The following GRM7 variants were observed in gnomAD, a reference collection of about 807,000 sequenced individuals.
The protein encoded by GRM7 is metabotropic glutamate receptor 7.
Under a neutral mutation model 84.5 loss-of-function variants are expected in GRM7, and 35 were observed. The ratio of observed to expected loss-of-function variants is 0.41; its 90% CI spans 0.32 to 0.55. The LOEUF is 0.55. Among genes scored for constraint, GRM7 ranks in the 20% least tolerant of loss-of-function variants. The pLI is 0.19. For missense variants in GRM7, 1,003 were observed against 1,194.6 expected, an observed-to-expected ratio of 0.84 and a Z score of 2.36; for synonymous variants, 487 against 455.1, an observed-to-expected ratio of 1.07 and a Z score of -0.89.
chr3:6,985,798 T>G (rs187671845), intron 1 of GRM7, among the ~76,000 whole-genome samples: 125 of 152,294 alleles, frequency 8.2e-4, no homozygotes, highest in African/African-American at 2.8e-3. Flanking sequence ...GAAATGAGCT[T>G]GACTGTAAAG....
intron 8 of GRM7, among the ~76,000 whole-genome samples, chr3:7,626,405 CTG>C (rs1268708609): frequency 6.6e-6 from 1 of 152,226 alleles, no homozygotes; most frequent in Non-Finnish European, 1.5e-5. Context: ...TCTCTAAAGA[CTG>C]TATTCATTTG....
chr3:7,015,452 C>T (rs541822306), intron 1 of GRM7, among the ~76,000 whole-genome samples: 1 of 152,202 alleles, frequency 6.6e-6, no homozygotes, highest in African/African-American at 2.4e-5. Flanking sequence ...TGCTTTCAAT[C>T]TTTTGGAGTA....
At chr3:6,907,954 C>T (rs1162510123) in intron 1 of GRM7, among the ~76,000 whole-genome samples, 1 of 152,110 alleles carries the variant, frequency 6.6e-6, no homozygotes. Context: ...ATCTCTCTTT[C>T]CCTCTCTGCT....
chr3:7,082,593 A>C (rs1698309319), intron 1 of GRM7, among the ~76,000 whole-genome samples: 1 of 152,120 alleles, frequency 6.6e-6, no homozygotes, highest in Non-Finnish European at 1.5e-5. Flanking sequence ...TAAGAAGTAC[A>C]TTTCATAAAG....
chr3:6,864,819 G>C (rs1694886623), intron 1 of GRM7, among the ~76,000 whole-genome samples: 2 of 152,226 alleles, frequency 1.3e-5, no homozygotes, highest in Non-Finnish European at 2.9e-5. Flanking sequence ...CCCCAGCAAA[G>C]TCAGGAATGA....
chr3:7,192,935 C>A (rs933857544), intron 2 of GRM7, among the ~76,000 whole-genome samples: 1 of 152,134 alleles, frequency 6.6e-6, no homozygotes, highest in African/African-American at 2.4e-5. Context: ...TCCGAATTTT[C>A]TGATCATTTC....
At chr3:7,106,691 C>T (rs1015624768) in intron 1 of GRM7, among the ~76,000 whole-genome samples, 10 of 152,016 alleles carry the variant, frequency 6.6e-5, no homozygotes, top group Non-Finnish European at 1.5e-4. Flanking sequence ...TTTATTTCTG[C>T]TAGTGACCTA....
intron 1 of GRM7, among the ~76,000 whole-genome samples, chr3:6,937,028 A>G (rs533055063): frequency 1.5e-4 from 23 of 152,194 alleles, no homozygotes; most frequent in Non-Finnish European, 3.2e-4. Context: ...GGAATTTTGA[A>G]CATATTATTT....
intron 1 of GRM7, among the ~76,000 whole-genome samples, chr3:7,045,826 T>C (rs1369464100): frequency 6.6e-6 from 1 of 152,176 alleles, no homozygotes; most frequent in Admixed American, 6.6e-5. Context: ...CTATGAATAA[T>C]GCTGCAATGC....
intron 8 of GRM7, among the ~76,000 whole-genome samples, chr3:7,653,946 G>A (rs1323622266): frequency 6.6e-6 from 1 of 152,104 alleles, no homozygotes. Context: ...AATCCTGCTG[G>A]CACCCCTGCT....
chr3:7,357,656 A>T (rs1196642561), intron 4 of GRM7, among the ~76,000 whole-genome samples: 5 of 152,138 alleles, frequency 3.3e-5, no homozygotes, highest in Non-Finnish European at 5.9e-5. Flanking sequence ...CTGCAGAAGG[A>T]ATTACCCTGT....
chr3:7,687,463 G>A (rs1479393707), intron 9 of GRM7, among the ~76,000 whole-genome samples: 1 of 152,132 alleles, frequency 6.6e-6, no homozygotes, highest in Non-Finnish European at 1.5e-5. Context: ...TCCAAACTAT[G>A]GAAAAATATG....
At chr3:7,362,897 G>A (rs1238074322) in intron 4 of GRM7, among the ~76,000 whole-genome samples, 2 of 152,056 alleles carry the variant, frequency 1.3e-5, no homozygotes, top group African/African-American at 2.4e-5. Context: ...CGAGGCCAGG[G>A]TGGAAGGATT....
chr3:7,442,544 C>A (rs1033389065), intron 5 of GRM7, among the ~76,000 whole-genome samples: 6 of 152,050 alleles, frequency 3.9e-5, no homozygotes, highest in African/African-American at 7.2e-5. Flanking sequence ...AATGTCCTTT[C>A]AAATTCTGAA....
At chr3:7,113,285 T>C (rs76691714) in intron 1 of GRM7, among the ~76,000 whole-genome samples, 1,606 of 152,292 alleles carry the variant, frequency 0.011, 20 homozygotes, top group African/African-American at 0.037. Flanking sequence ...TAATACTTTG[T>C]TTTAGAGCAG....
intron 2 of GRM7, among the ~76,000 whole-genome samples, chr3:7,265,452 T>C (rs1698601745): frequency 6.6e-6 from 1 of 152,218 alleles, no homozygotes; most frequent in Admixed American, 6.5e-5. Context: ...GTTAAATAAC[T>C]TTGTTTTCCT....
At chr3:7,429,990 C>T (rs1383183055) in intron 5 of GRM7, among the ~76,000 whole-genome samples, 1 of 152,110 alleles carries the variant, frequency 6.6e-6, no homozygotes, top group African/African-American at 2.4e-5. Context: ...CTGCAGTTTA[C>T]AACTTGGAAG....
intron 2 of GRM7, among the ~76,000 whole-genome samples, chr3:7,253,571 C>T (rs1481032007): frequency 6.9e-6 from 1 of 145,004 alleles, no homozygotes; most frequent in Non-Finnish European, 1.5e-5. Context: ...GAGCCAAGAT[C>T]GTGCCACTGC....
intron 2 of GRM7, among the ~76,000 whole-genome samples, chr3:7,215,231 T>C (rs1255053932): frequency 6.6e-6 from 1 of 152,202 alleles, no homozygotes; most frequent in African/African-American, 2.4e-5. Context: ...ACAAATTGGT[T>C]AATATGTTGG....
Sources: allele counts gnomAD v4.1 joint callset (sites outside exome capture counted in the v4.1 genomes callset), GRCh38; gene constraint gnomAD v4.1.1; transcripts MANE v1.5; gene names NCBI Gene and HGNC (gene_info 2026-07-23, HGNC 2026-07-21).